Variants in NPTXR observed in about 807,000 individuals in gnomAD.
The protein encoded by NPTXR is neuronal pentraxin receptor.
Under a neutral mutation model 32.2 loss-of-function variants are expected in NPTXR, and 12 were observed. The observed-to-expected ratio is 0.37, with a 90% CI of 0.24 to 0.60. The LOEUF (loss-of-function observed/expected upper bound fraction) is 0.60. NPTXR is among the 20% of genes least tolerant of loss of function. The pLI, the probability that NPTXR is intolerant of heterozygous loss-of-function variation, is 0.66. For synonymous variants in NPTXR, 323 were observed against 315.8 expected (o/e 1.02, Z -0.24); for missense variants, 612 against 682.9 (o/e 0.90, Z 1.16).
Position 38,828,401 on chromosome 22 carries a change from CCTGGGCCAGCAG to C in NPTXR, c.724_735del (p.Leu242_Gln245del). On this transcript the variant is annotated inframe_deletion, in exon 2 of 5. Transcript: ENST00000333039. ...ACACGCTCCTTCTCCAGTGCCAGCA[CCTGGGCCAGCAG>C]CTGCCCCTCCAGCTGGTCCATCTTG... 1 of 1,612,766 alleles carries C rather than the reference CCTGGGCCAGCAG, an allele frequency of 6.2e-7. No individual in the cohort carries two copies. The highest frequency in any genetic ancestry group is 8.5e-7 in the Non-Finnish European group (1 of 1,179,918).
chr22:38,828,595 C>G, intron 1 of NPTXR, 83 bp from the exon 2 acceptor site: 1 of 1,145,934 alleles, frequency 8.7e-7, no homozygotes, highest in Non-Finnish European at 1.2e-6. Flanking sequence ...CGCCCCTGCT[C>G]AGTGACCCCA....
chr22:38,826,847 A>T, intron 2 of NPTXR, 100 bp from the exon 3 acceptor site: 1 of 1,397,828 alleles, frequency 7.2e-7, no homozygotes, highest in Non-Finnish European at 9.8e-7. Flanking sequence ...GCTCCCAGGC[A>T]CCTGCTGCAT....
At chr22:38,822,987 T>G in intron 4 of NPTXR, 96 bp downstream of exon 4, 1 of 1,519,378 alleles carries the variant, frequency 6.6e-7, no homozygotes, top group Admixed American at 1.7e-5. Context: ...ACCTTCAAGA[T>G]TCTAGTTCCT....
rs1341878929 is a variant in NPTXR, at chr22:38,822,241, C to A, written c.*368G>T. 2 of 262,322 alleles carry A rather than the reference C, an allele frequency of 7.6e-6. No individual in the cohort carries two copies. Among genetic ancestry groups the A allele is most frequent in the Non-Finnish European group, 1.5e-5 (2 of 133,520 alleles). The allele number at this position is 262,322 out of a possible 1,614,324, so 16.2% of individuals were successfully genotyped here. ...GGACAAGGGGGCGGGCGGCCACCCC[C>A]ACCACTGAGATAGTGGGGTCCCCCT... On this transcript the variant is annotated 3_prime_UTR_variant, in exon 5 of 5. Coordinates refer to ENST00000333039, the MANE Select transcript of NPTXR (RefSeq NM_014293.4).
chr22:38,839,120 G>A (rs1045951269), intron 1 of NPTXR, among the ~76,000 whole-genome samples: 3 of 152,206 alleles, frequency 2.0e-5, no homozygotes, highest in Non-Finnish European at 4.4e-5. Context: ...GTAAGTGTTC[G>A]CTATAATGGT....
rs1008417385 is a variant in NPTXR, at chr22:38,820,871, T to C, written c.*1738A>G. 6.6e-6 allele frequency: 1 copy of C among 152,328 alleles called. No homozygotes were observed. Among genetic ancestry groups the C allele is most frequent in the Non-Finnish European group, 1.5e-5 (1 of 68,192 alleles). 9.4% of individuals were successfully genotyped at this position (152,328 alleles called of 1,614,324 possible). ...AGCAAGATGCAGCTGTGGTGCCAGA[T>C]GGGGTGGCTTTTCTCATCTTTAAGA... On this transcript the variant is annotated 3_prime_UTR_variant, in exon 5 of 5. Coordinates refer to ENST00000333039, the MANE Select transcript of NPTXR (RefSeq NM_014293.4).
chr22:38,838,789 G>A (rs759125269), intron 1 of NPTXR, among the ~76,000 whole-genome samples: 5 of 151,912 alleles, frequency 3.3e-5, no homozygotes, highest in African/African-American at 7.3e-5. Flanking sequence ...CACCGTGTTA[G>A]CCAGGATGGT....
At chr22:38,835,679 G>A (rs999754610) in intron 1 of NPTXR, among the ~76,000 whole-genome samples, 5 of 152,056 alleles carry the variant, frequency 3.3e-5, no homozygotes, top group Non-Finnish European at 5.9e-5. Context: ...CACACCTTCC[G>A]GGCCCCCAAA....
chr22:38,838,975 A>C (rs1429461189), intron 1 of NPTXR, among the ~76,000 whole-genome samples: 1 of 152,164 alleles, frequency 6.6e-6, no homozygotes, highest in Non-Finnish European at 1.5e-5. Context: ...CTACAGCCAG[A>C]CAGTGGGCTC....
chr22:38,843,181 C>T lies in NPTXR; in HGVS notation c.624+54G>A. On this transcript the variant is annotated intron_variant, in intron 1 of 4. Transcript: ENST00000333039. This position sits in a 1 kb window ranked among gnomAD's most constrained non-coding sequence, Gnocchi z 5.3. The stretch of plus-strand genomic sequence containing the variant: ...TCGGGGACCGCCGGACGACCGCGGC[C>T]GGGCGGCCCCTCACACCACCCGGGC... 1.6e-6 allele frequency: 2 copies of T among 1,262,152 alleles called. No individual in the cohort carries two copies. The highest frequency in any genetic ancestry group is 2.0e-6 in the Non-Finnish European group (2 of 1,004,282). The allele number at this position is 1,262,152 out of a possible 1,614,324, so 78.2% of individuals were successfully genotyped here. A position where few individuals can be genotyped will look rare whatever the true frequency, so the allele number is the denominator to read the frequency against.
chr22:38,826,471 A>AGCCAGCCCTCCCT (rs750404352), intron 3 of NPTXR, 29 bp downstream of exon 3: 1 of 1,579,588 alleles, frequency 6.3e-7, no homozygotes, highest in Non-Finnish European at 8.6e-7. Flanking sequence ...GCCCTCCCCC[A>AGCCAGCCCTCCCT]GCCAGCCCTC....
At chr22:38,824,083 TCTC>T (rs935798309) in intron 3 of NPTXR, among the ~76,000 whole-genome samples, 1 of 151,500 alleles carries the variant, frequency 6.6e-6, no homozygotes, top group Non-Finnish European at 1.5e-5. Context: ...TTCAAGCAAT[TCTC>T]CTCCCTCAGC....
intron 1 of NPTXR, among the ~76,000 whole-genome samples, chr22:38,838,793 G>T (rs1211013700): frequency 1.3e-5 from 2 of 151,898 alleles, no homozygotes; most frequent in African/African-American, 4.8e-5. Context: ...GTGTTAGCCA[G>T]GATGGTCTCG....
rs140101072 is a variant in NPTXR, at chr22:38,826,676, G to A, written c.922C>T (p.Arg308Cys). The A allele has an allele frequency of 3.0e-5, 48 of 1,613,976 alleles. No homozygotes were observed. Among genetic ancestry groups the A allele is most frequent in the African/African-American group, 2.5e-4 (19 of 74,862 alleles). Residue 308 changes from arginine (R) to cysteine (C), a missense_variant, in exon 3 of 5, where the codon CGC (arginine) becomes TGC (cysteine). Physicochemically the swap from Arg to Cys is radical, Grantham distance 180. Transcript: ENST00000333039. ...AGCTCGGGCAGAGCCTTCCGCACGC[G>A]GGCGTACATGTAGTTGTTACGGATG...
chr22:38,839,435 A>G (rs2093128982), intron 1 of NPTXR, among the ~76,000 whole-genome samples: 1 of 152,224 alleles, frequency 6.6e-6, no homozygotes, highest in African/African-American at 2.4e-5. Flanking sequence ...ACCTGAGGTC[A>G]GGAGTTTGAG....
At position 38,823,741 on chromosome 22, in the gene NPTXR, T is replaced by C. The variant is rs190635793; in HGVS notation, c.1099-479A>G. The stretch of plus-strand genomic sequence containing the variant: ...CCTTCCTCCCTGGGCCTCAGTTTCC[T>C]TATCTGTAAAGTGAGGTCAGACAAG... On this transcript the variant is annotated intron_variant, in intron 3 of 4. Transcript: ENST00000333039. 1.5e-3 allele frequency among the ~76,000 whole-genome samples: 221 copies of C among 152,292 alleles called. 2 individuals are homozygous for C. The highest frequency in any genetic ancestry group is 2.3e-3 in the Non-Finnish European group (159 of 68,014).
chr22:38,839,356 C>A (rs1286419043), intron 1 of NPTXR, among the ~76,000 whole-genome samples: 1 of 152,202 alleles, frequency 6.6e-6, no homozygotes, highest in Non-Finnish European at 1.5e-5. Flanking sequence ...CATAAAAAGT[C>A]AATATTGGCC....
intron 1 of NPTXR, among the ~76,000 whole-genome samples, chr22:38,833,257 G>C (rs1435921630): frequency 1.3e-5 from 2 of 152,240 alleles, no homozygotes; most frequent in African/African-American, 4.8e-5. Flanking sequence ...ACCAGGTTTT[G>C]CAACGGTGGG....
intron 1 of NPTXR, among the ~76,000 whole-genome samples, chr22:38,838,076 T>C (rs937241313): frequency 6.6e-6 from 1 of 152,138 alleles, no homozygotes; most frequent in Non-Finnish European, 1.5e-5. Flanking sequence ...AGGCTGGTCC[T>C]GAACTCCTGA....
Sources: gnomAD v4.1 joint callset for allele counts (sites outside exome capture counted in the v4.1 genomes callset) on GRCh38, gnomAD v4.1.1 for gene constraint, Gnocchi (gnomAD v3.1) non-coding constraint, MANE v1.5 for transcripts, NCBI Gene and HGNC (gene_info 2026-07-23, HGNC 2026-07-21) for gene names.